NRXN1: variants seen among roughly 807,000 people sequenced by gnomAD.
The protein encoded by NRXN1 is neurexin-1.
In NRXN1, 39 loss-of-function variants were observed where a neutral mutation model predicts 150.9. The observed-to-expected ratio is 0.26, with a 90% CI of 0.20 to 0.34. NRXN1 has a LOEUF of 0.34. Among genes scored for constraint, NRXN1 ranks in the 10% least tolerant of loss-of-function variants. The pLI, the probability that NRXN1 is intolerant of heterozygous loss-of-function variation, is 1.00. For synonymous variants in NRXN1, 924 were observed against 757.0 expected, an observed-to-expected ratio of 1.22 and a Z score of -3.62; for missense variants, 1,815 against 1,949.9, an observed-to-expected ratio of 0.93 and a Z score of 1.30.
At chr2:50,459,311 T>C (rs983169158) in intron 17 of NRXN1, among the ~76,000 whole-genome samples, 4 of 152,172 alleles carry the variant, frequency 2.6e-5, no homozygotes, top group African/African-American at 9.6e-5. Flanking sequence ...ATACTAAGTA[T>C]TTTTTTACTT....
intron 8 of NRXN1, among the ~76,000 whole-genome samples, chr2:50,598,403 A>T (rs965915452): frequency 3.3e-5 from 5 of 151,734 alleles, no homozygotes; most frequent in African/African-American, 9.7e-5. Context: ...ATAAAAAATT[A>T]AAAAAATAAA....
At chr2:50,848,685 G>A (rs1674055729) in intron 5 of NRXN1, among the ~76,000 whole-genome samples, 2 of 152,064 alleles carry the variant, frequency 1.3e-5, no homozygotes, top group African/African-American at 2.4e-5. Context: ...TATATTTTAT[G>A]TCTCTTATAC....
In NRXN1 at chr2:50,118,916, A is replaced by G. The variant is rs180767483; in HGVS notation, c.3547-27422T>C. ...TAAGTTAGAGTTTAAAGCCAGGTTT[A>G]TTTTTGTTTGGGAAAAATTCTGTGC... is the stretch of plus-strand genomic sequence containing the variant. On this transcript the variant is annotated intron_variant, in intron 18 of 22. Coordinates refer to ENST00000401669, the MANE Select transcript of NRXN1 (RefSeq NM_001330078.2). Among the ~76,000 whole-genome samples the G allele has an allele frequency of 4.6e-3, 688 of 150,860 alleles. 3 individuals carry two copies. The highest frequency in any genetic ancestry group is 0.01 in the Middle Eastern group (3 of 290).
chr2:50,492,485 G>C (rs1442638561), intron 15 of NRXN1, among the ~76,000 whole-genome samples: 2 of 152,268 alleles, frequency 1.3e-5, no homozygotes, highest in Non-Finnish European at 2.9e-5. Context: ...CTACACTAAA[G>C]TCCTGTTCCT....
chr2:50,399,806 A>ATTCTCAG (rs1277996395), intron 17 of NRXN1, among the ~76,000 whole-genome samples: 4 of 16,542 alleles, frequency 2.4e-4, no homozygotes, highest in Non-Finnish European at 5.2e-4. Flanking sequence ...AAAAAAAAAA[A>ATTCTCAG]AAAAAAAAAA....
At chr2:50,799,218 T>C (rs1216452071) in intron 5 of NRXN1, among the ~76,000 whole-genome samples, 1 of 152,226 alleles carries the variant, frequency 6.6e-6, no homozygotes, top group African/African-American at 2.4e-5. Flanking sequence ...ATGGATGAGT[T>C]ATTTGTGTAC....
At chr2:50,188,711 T>C (rs922553866) in intron 18 of NRXN1, among the ~76,000 whole-genome samples, 4 of 151,624 alleles carry the variant, frequency 2.6e-5, no homozygotes, top group African/African-American at 9.7e-5. Context: ...ATGAAGAATA[T>C]GAACAGACAC....
At chr2:50,555,109 C>T (rs1361316092) in intron 8 of NRXN1, among the ~76,000 whole-genome samples, 1 of 152,050 alleles carries the variant, frequency 6.6e-6, no homozygotes, top group Admixed American at 6.6e-5. Context: ...GCTACTTAAA[C>T]CTATATTATT....
At chr2:50,862,266 A>G (rs575028849) in intron 5 of NRXN1, among the ~76,000 whole-genome samples, 3 of 152,160 alleles carry the variant, frequency 2.0e-5, no homozygotes, top group African/African-American at 7.2e-5. Context: ...AGGGAAGCTA[A>G]GCTTTGCAAG....
intron 5 of NRXN1, among the ~76,000 whole-genome samples, chr2:50,854,668 A>T (rs1675007257): frequency 1.3e-5 from 2 of 152,054 alleles, no homozygotes; most frequent in South Asian, 4.1e-4. Context: ...ACTACTATTC[A>T]AATCTTACTT....
chr2:50,895,516 C>G (rs1681789013), intron 5 of NRXN1, among the ~76,000 whole-genome samples: 2 of 151,480 alleles, frequency 1.3e-5, no homozygotes, highest in Non-Finnish European at 2.9e-5. Context: ...ATGAGTGGGT[C>G]ACTATAAATT....
At chr2:49,923,644 AT>A (rs1465218459) in intron 22 of NRXN1, among the ~76,000 whole-genome samples, 3 of 152,184 alleles carry the variant, frequency 2.0e-5, no homozygotes, top group African/African-American at 4.8e-5. Context: ...ACTGGGAATC[AT>A]TTTACCAAAC....
At chr2:50,328,002 T>C (rs1326449157) in intron 17 of NRXN1, among the ~76,000 whole-genome samples, 1 of 152,130 alleles carries the variant, frequency 6.6e-6, no homozygotes, top group Non-Finnish European at 1.5e-5. Flanking sequence ...ATATTTTTTA[T>C]ATGTGTATTC....
At chr2:50,457,606 T>C (rs2087703650) in intron 17 of NRXN1, among the ~76,000 whole-genome samples, 1 of 151,956 alleles carries the variant, frequency 6.6e-6, no homozygotes, top group Non-Finnish European at 1.5e-5. Flanking sequence ...CTCAAACAAT[T>C]CAATCATAAA....
chr2:50,832,656 T>A (rs993399032), intron 5 of NRXN1, among the ~76,000 whole-genome samples: 4 of 150,932 alleles, frequency 2.7e-5, no homozygotes, highest in Non-Finnish European at 5.9e-5. Flanking sequence ...TGAGATCCCG[T>A]CTCAAAAACA....
At chr2:51,009,677 G>C (rs753178253) in intron 2 of NRXN1, among the ~76,000 whole-genome samples, 1 of 151,914 alleles carries the variant, frequency 6.6e-6, no homozygotes, top group Non-Finnish European at 1.5e-5. Flanking sequence ...AGCGAAAGGA[G>C]GCATTGAAAG....
intron 8 of NRXN1, among the ~76,000 whole-genome samples, chr2:50,571,900 CAG>C (rs1200463180): frequency 6.6e-6 from 1 of 152,092 alleles, no homozygotes; most frequent in East Asian, 1.9e-4. Flanking sequence ...CAGATAAAAC[CAG>C]AGTCAGAAAA....
intron 18 of NRXN1, among the ~76,000 whole-genome samples, chr2:50,226,395 T>C (rs1238260072): frequency 2.0e-5 from 3 of 151,968 alleles, no homozygotes; most frequent in Non-Finnish European, 1.5e-5. Context: ...TGTAGTAAAT[T>C]ATAAGGTACT....
rs571829019 is a variant in NRXN1 at position 50,545,361 on chromosome 2, T to C, written c.1760-6725A>G. ...ATAACATTCTGCAGCAATTGAAATATTATTTTGCAGAAGTTCCACAGATTT... is the reference window on the plus strand; with the variant it reads ...ATAACATTCTGCAGCAATTGAAATACTATTTTGCAGAAGTTCCACAGATTT... On this transcript the variant is annotated intron_variant, in intron 9 of 22. Transcript: ENST00000401669. Among the ~76,000 whole-genome samples, 3 of 152,288 alleles carry C rather than the reference T, an allele frequency of 2.0e-5. No individual in the cohort carries two copies. The East Asian group carries it at 5.8e-4, about 29-fold the overall frequency.
Sources: allele counts gnomAD v4.1 joint callset (sites outside exome capture counted in the v4.1 genomes callset), GRCh38; gene constraint gnomAD v4.1.1; transcripts MANE v1.5; gene names NCBI Gene and HGNC (gene_info 2026-07-23, HGNC 2026-07-21).